Variants in HOPX observed in about 807,000 individuals in gnomAD.
HOPX encodes the protein homeodomain-only protein.
HOPX carries 5 observed loss-of-function variants against 11.8 expected under a neutral mutation model. The observed-to-expected ratio is 0.43, with a 90% CI of 0.22 to 0.89. The LOEUF (loss-of-function observed/expected upper bound fraction) is 0.89. Ranked by LOEUF, HOPX falls within the 40% of genes least tolerant of loss-of-function variation. HOPX has a pLI of 0.28. For synonymous variants in HOPX, 49 were observed against 49.7 expected, an observed-to-expected ratio of 0.99 and a Z score of 0.06; for missense variants, 119 against 120.0, an observed-to-expected ratio of 0.99 and a Z score of 0.04.
At chr4:56,679,400 C>T (rs1375886905) in intron 1 of HOPX, 4 of 152,158 alleles carry the variant, frequency 2.6e-5, no homozygotes. Flanking sequence ...CAAAAGTTTC[C>T]TGTGTACCTT....
chr4:56,650,804 A>G (rs1717099094), intron 3 of HOPX: 1 of 1,547,604 alleles, frequency 6.5e-7, no homozygotes, highest in Admixed American at 2.0e-5. Flanking sequence ...TGGAGATCAA[A>G]TCACTACCCT....
chr4:56,667,012 G>A (rs566851406), intron 1 of HOPX, among the ~76,000 whole-genome samples: 1 of 152,284 alleles, frequency 6.6e-6, no homozygotes, highest in African/African-American at 2.4e-5. Context: ...TTAAAATCTT[G>A]CTTAGGGAAA....
chr4:56,658,996 G>A (rs551898433), intron 1 of HOPX, among the ~76,000 whole-genome samples: 3 of 152,188 alleles, frequency 2.0e-5, no homozygotes, highest in Non-Finnish European at 4.4e-5. Flanking sequence ...CCCTAATCCT[G>A]TAATCATTTA....
At chr4:56,659,041 A>G (rs1357412599) in intron 1 of HOPX, 1 of 152,238 alleles carries the variant, frequency 6.6e-6, no homozygotes, top group African/African-American at 2.4e-5. Context: ...ACTAGCTCAC[A>G]AAAAGCACTA....
At chr4:56,661,838 C>T (rs1718154317) in intron 1 of HOPX, among the ~76,000 whole-genome samples, 1 of 152,086 alleles carries the variant, frequency 6.6e-6, no homozygotes, top group Non-Finnish European at 1.5e-5. Context: ...CAGGCTAGCC[C>T]AGTTATTTCC....
At chr4:56,673,497 G>A (rs1330087985) in intron 1 of HOPX, among the ~76,000 whole-genome samples, 1 of 152,160 alleles carries the variant, frequency 6.6e-6, no homozygotes, top group African/African-American at 2.4e-5. Context: ...TTTGTATAAT[G>A]AGGGGAGTAC....
chr4:56,652,646 A>C (rs988437479), intron 3 of HOPX, among the ~76,000 whole-genome samples: 14 of 152,140 alleles, frequency 9.2e-5, no homozygotes, highest in African/African-American at 3.1e-4. Context: ...CCATCTCTAC[A>C]AACAATTTAA....
intron 3 of HOPX, among the ~76,000 whole-genome samples, 200 bp downstream of exon 3, chr4:56,655,657 G>A (rs1028917855): frequency 9.8e-5 from 15 of 152,328 alleles, no homozygotes; most frequent in African/African-American, 1.7e-4. Flanking sequence ...CGGGGAGACC[G>A]GGCGCCCATG....
chr4:56,663,616 G>C (rs905858015), intron 1 of HOPX: 7 of 152,164 alleles, frequency 4.6e-5, no homozygotes, highest in African/African-American at 1.7e-4. Context: ...CTCCTGATTA[G>C]TTAGGATTAC....
chr4:56,653,345 C>T (rs1435816772), intron 3 of HOPX, among the ~76,000 whole-genome samples: 1 of 152,184 alleles, frequency 6.6e-6, no homozygotes, highest in Admixed American at 6.5e-5. Context: ...GTGTGAGCTA[C>T]TGTGCCCAGC....
chr4:56,655,618 C>T (rs1037561187), intron 3 of HOPX, among the ~76,000 whole-genome samples: 2 of 152,072 alleles, frequency 1.3e-5, no homozygotes, highest in African/African-American at 2.4e-5. Context: ...CTGCGCAGCT[C>T]CCGGGGAACC....
chr4:56,659,668 A>C (rs1443452288), intron 1 of HOPX: 6 of 152,240 alleles, frequency 3.9e-5, no homozygotes, highest in Non-Finnish European at 8.8e-5. Context: ...GAAATGTCTA[A>C]GCCCACCTCT....
intron 2 of HOPX, 81 bp from the exon 3 acceptor site, chr4:56,656,093 G>A: frequency 3.7e-6 from 5 of 1,354,602 alleles, no homozygotes; most frequent in South Asian, 3.4e-5. Context: ...TCGCGGCGCC[G>A]CCGGGCAGCC....
chr4:56,648,911 T>C lies in HOPX; in HGVS notation c.199-114A>G, dbSNP rs926057406. The C allele has an allele frequency of 8.4e-5, 64 of 761,548 alleles. 1 individual carries two copies. In the South Asian group the frequency reaches 1.1e-3, roughly 13 times the overall value. 47.2% of individuals were successfully genotyped at this position (761,548 alleles called of 1,614,324 possible). On this transcript the variant is annotated intron_variant, in intron 3 of 3. Coordinates refer to ENST00000420433, the MANE Select transcript of HOPX (RefSeq NM_032495.6). ...AAGTGGAAAGGAGAGAATCAAGGAA[T>C]GTTCCCATAGGGATGGTTCTCACTG...
intron 1 of HOPX, among the ~76,000 whole-genome samples, chr4:56,660,624 C>G (rs997537618): frequency 1.3e-5 from 2 of 152,014 alleles, no homozygotes; most frequent in Non-Finnish European, 2.9e-5. Flanking sequence ...CCACCTTGCT[C>G]AAAGTTTTAT....
At chr4:56,656,271 G>C in intron 2 of HOPX, 1 of 1,165,100 alleles carries the variant, frequency 8.6e-7, no homozygotes, top group Non-Finnish European at 1.1e-6. Flanking sequence ...CGCGCCCCCC[G>C]GGACCCCTTG....
intron 1 of HOPX, among the ~76,000 whole-genome samples, chr4:56,673,155 A>G (rs1234433321): frequency 6.6e-6 from 1 of 152,228 alleles, no homozygotes; most frequent in South Asian, 2.1e-4. Flanking sequence ...AAAGATGTCC[A>G]TTACTGCAGG....
rs531138241 is a variant in HOPX at position 56,672,417 on chromosome 4, T to C, written c.-84+8838A>G. The stretch of plus-strand genomic sequence containing the variant: ...AGCCAGGCATGGTGGCACACGCCTG[T>C]AATCCCAGCTGCTCTGGATGCTGAG... On this transcript the variant is annotated intron_variant, in intron 1 of 3. Transcript: ENST00000420433. Among the ~76,000 whole-genome samples, 428 of 151,536 alleles carry C rather than the reference T, an allele frequency of 2.8e-3. 5 individuals carry two copies. Among genetic ancestry groups the C allele is most frequent in the African/African-American group, 9.8e-3 (404 of 41,128 alleles).
At chr4:56,658,439 T>C (rs1344262204) in intron 1 of HOPX, among the ~76,000 whole-genome samples, 2 of 152,194 alleles carry the variant, frequency 1.3e-5, no homozygotes, top group Non-Finnish European at 2.9e-5. Flanking sequence ...CTGAGACTTG[T>C]GGGAGGACCA....
Sources: gnomAD v4.1 joint callset for allele counts (sites outside exome capture counted in the v4.1 genomes callset) on GRCh38, gnomAD v4.1.1 for gene constraint, MANE v1.5 for transcripts, NCBI Gene and HGNC (gene_info 2026-07-23, HGNC 2026-07-21) for gene names.